STK3: variants seen among roughly 807,000 people sequenced by gnomAD.
STK3 encodes the protein serine/threonine-protein kinase 3.
Under a neutral mutation model 58.0 loss-of-function variants are expected in STK3, and 41 were observed. That is an observed-to-expected ratio of 0.71 (90% CI 0.55 to 0.92). STK3 has a LOEUF of 0.92. STK3 is among the 40% of genes least tolerant of loss of function. The pLI, the probability that STK3 is intolerant of heterozygous loss-of-function variation, is 0.00. For synonymous variants in STK3, 170 were observed against 191.0 expected (o/e 0.89, Z 0.91); for missense variants, 479 against 602.7 (o/e 0.79, Z 2.15).
At chr8:98,414,084 T>A (rs1160976509) in intron 3 of STK3, among the ~76,000 whole-genome samples, 1 of 152,108 alleles carries the variant, frequency 6.6e-6, no homozygotes, top group Non-Finnish European at 1.5e-5. Context: ...GCCAACACGG[T>A]GAAACCCCGT....
At chr8:98,637,611 G>A (rs1046435444) in intron 6 of STK3, among the ~76,000 whole-genome samples, 3 of 152,110 alleles carry the variant, frequency 2.0e-5, no homozygotes, top group Non-Finnish European at 2.9e-5. Context: ...AGTGAGGACA[G>A]CACTCCTGCA....
At chr8:98,872,923 G>C (rs1226323449) in intron 3 of STK3, among the ~76,000 whole-genome samples, 1 of 152,108 alleles carries the variant, frequency 6.6e-6, no homozygotes, top group Non-Finnish European at 1.5e-5. Flanking sequence ...TCTTTTATTT[G>C]TGATTTTAAG....
chr8:98,840,964 C>T (rs1835958319), intron 3 of STK3, among the ~76,000 whole-genome samples: 1 of 152,188 alleles, frequency 6.6e-6, no homozygotes, highest in Non-Finnish European at 1.5e-5. Flanking sequence ...TTCAGTTCCT[C>T]ATGGGTGCTG....
intron 6 of STK3, among the ~76,000 whole-genome samples, chr8:98,620,008 C>T (rs1421142406): frequency 9.5e-6 from 1 of 105,378 alleles, no homozygotes; most frequent in African/African-American, 3.9e-5. Context: ...TATAAAGACA[C>T]ATGCACAGGT....
chr8:98,575,027 G>C (rs1405385426), intron 8 of STK3, among the ~76,000 whole-genome samples: 1 of 152,030 alleles, frequency 6.6e-6, no homozygotes, highest in Non-Finnish European at 1.5e-5. Flanking sequence ...GGGGTGGTGG[G>C]GGTGAGGTAA....
At chr8:98,914,711 C>A (rs1310471996) in intron 1 of STK3, among the ~76,000 whole-genome samples, 1 of 152,136 alleles carries the variant, frequency 6.6e-6, no homozygotes, top group African/African-American at 2.4e-5. Flanking sequence ...GTGGAGCCAG[C>A]CCCACATGCT....
At chr8:98,571,018 A>T (rs1026078742) in intron 8 of STK3, among the ~76,000 whole-genome samples, 1 of 152,178 alleles carries the variant, frequency 6.6e-6, no homozygotes, top group African/African-American at 2.4e-5. Context: ...TCTTTACCTA[A>T]TTCAAAAGGT....
At chr8:98,497,827 C>T (rs908072530) in intron 10 of STK3, among the ~76,000 whole-genome samples, 2 of 152,058 alleles carry the variant, frequency 1.3e-5, no homozygotes, top group African/African-American at 4.8e-5. Context: ...AAATTGGAAC[C>T]CTCATACACT....
intron 3 of STK3, among the ~76,000 whole-genome samples, chr8:98,423,584 A>G (rs1586555611): frequency 6.6e-6 from 1 of 152,266 alleles, no homozygotes; most frequent in African/African-American, 2.4e-5. Context: ...TTTAAAAGAC[A>G]TTCTGGCTGC....
At chr8:98,849,434 C>T (rs1465417682) in intron 3 of STK3, among the ~76,000 whole-genome samples, 1 of 152,090 alleles carries the variant, frequency 6.6e-6, no homozygotes, top group East Asian at 1.9e-4. Context: ...TTACATACCT[C>T]AACTCACCCA....
At chr8:98,474,569 T>C (rs1821166262) in intron 10 of STK3, among the ~76,000 whole-genome samples, 1 of 152,178 alleles carries the variant, frequency 6.6e-6, no homozygotes, top group African/African-American at 2.4e-5. Flanking sequence ...TGCCTTTCCT[T>C]TGCTTAGAAT....
chr8:98,347,549 C>T, the STK3 span, among the ~76,000 whole-genome samples: 4,673 of 149,126 alleles, frequency 0.031, 136 homozygotes, highest in African/African-American at 0.07. Context: ...AAAACCACAG[C>T]GTATTAATCC....
intron 3 of STK3, among the ~76,000 whole-genome samples, chr8:98,421,492 G>A (rs895317585): frequency 3.3e-5 from 5 of 152,136 alleles, no homozygotes; most frequent in Admixed American, 1.3e-4. Context: ...TCCAACCTTG[G>A]GCCAGGTGCA....
chr8:98,363,770 C>G, the STK3 span, among the ~76,000 whole-genome samples: 1 of 152,204 alleles, frequency 6.6e-6, no homozygotes, highest in Non-Finnish European at 1.5e-5. Flanking sequence ...CATCTCATCC[C>G]TCCCTGACTT....
chr8:98,693,120 G>T (rs1216433446), intron 6 of STK3, among the ~76,000 whole-genome samples: 3 of 152,086 alleles, frequency 2.0e-5, no homozygotes, highest in African/African-American at 4.8e-5. Flanking sequence ...CACAGGGCTG[G>T]GTGCAGTGGC....
intron 4 of STK3, among the ~76,000 whole-genome samples, chr8:98,731,325 T>C (rs967272745): frequency 7.2e-5 from 11 of 152,098 alleles, no homozygotes; most frequent in Non-Finnish European, 1.3e-4. Context: ...AAGAGTTGGC[T>C]CCTTGACCCC....
At chr8:98,653,508 C>G (rs905977135) in intron 6 of STK3, among the ~76,000 whole-genome samples, 4 of 152,004 alleles carry the variant, frequency 2.6e-5, no homozygotes, top group African/African-American at 9.7e-5. Context: ...GAAATAGAGA[C>G]ACAAAAAACC....
chr8:98,363,405 A>C, the STK3 span, among the ~76,000 whole-genome samples: 1 of 152,148 alleles, frequency 6.6e-6, no homozygotes, highest in Non-Finnish European at 1.5e-5. Flanking sequence ...GAGTAGAAAG[A>C]GCAATGGACA....
At chr8:98,903,409 T>A (rs572495802) in intron 1 of STK3, among the ~76,000 whole-genome samples, 2 of 152,304 alleles carry the variant, frequency 1.3e-5, no homozygotes, top group African/African-American at 4.8e-5. Context: ...CTCTTTTTAG[T>A]AGTCAAATCC....
Sources: allele counts gnomAD v4.1 joint callset (sites outside exome capture counted in the v4.1 genomes callset), GRCh38; gene constraint gnomAD v4.1.1; transcripts MANE v1.5; gene names NCBI Gene and HGNC (gene_info 2026-07-23, HGNC 2026-07-21).